Variants in PABPC4L observed in about 807,000 individuals in gnomAD.
PABPC4L encodes the protein polyadenylate-binding protein 4-like.
For missense variants in PABPC4L, 452 were observed against 451.4 expected (o/e 1.00, Z -0.01); for synonymous variants, 169 against 164.1 (o/e 1.03, Z -0.23).
At chr4:133,992,336 T>C in the PABPC4L span, among the ~76,000 whole-genome samples, 2 of 152,196 alleles carry the variant, frequency 1.3e-5, no homozygotes, top group African/African-American at 2.4e-5. Flanking sequence ...AGAAGGAATG[T>C]TGGAGAAAGT....
At chr4:134,093,376 A>AT in the PABPC4L span, among the ~76,000 whole-genome samples, 2 of 151,306 alleles carry the variant, frequency 1.3e-5, no homozygotes, top group South Asian at 2.1e-4. Context: ...CATAAATTGT[A>AT]TTTTTTTTAT....
At chr4:134,190,383 G>T in the PABPC4L span, among the ~76,000 whole-genome samples, 1 of 152,006 alleles carries the variant, frequency 6.6e-6, no homozygotes, top group South Asian at 2.1e-4. Flanking sequence ...GTTTTTAACA[G>T]ACTTGTATAG....
the PABPC4L span, among the ~76,000 whole-genome samples, chr4:134,167,566 T>C: frequency 6.6e-6 from 1 of 151,722 alleles, no homozygotes; most frequent in Non-Finnish European, 1.5e-5. Flanking sequence ...GGACACATAA[T>C]AGAGTTACAA....
the PABPC4L span, among the ~76,000 whole-genome samples, chr4:134,173,975 A>G: frequency 6.6e-6 from 1 of 152,114 alleles, no homozygotes; most frequent in East Asian, 1.9e-4. Context: ...TTAAAACACA[A>G]ACACATTGTA....
chr4:134,013,808 C>T, the PABPC4L span, among the ~76,000 whole-genome samples: 1 of 151,994 alleles, frequency 6.6e-6, no homozygotes, highest in African/African-American at 2.4e-5. Context: ...TCTACAGACC[C>T]ATCTGACCTC....
chr4:133,993,464 C>G, the PABPC4L span, among the ~76,000 whole-genome samples: 1 of 152,042 alleles, frequency 6.6e-6, no homozygotes, highest in Non-Finnish European at 1.5e-5. Flanking sequence ...GGTGGACTCT[C>G]CAGGAAGAGC....
the PABPC4L span, among the ~76,000 whole-genome samples, chr4:134,173,174 A>G: frequency 4.0e-5 from 6 of 150,968 alleles, no homozygotes; most frequent in African/African-American, 1.4e-4. Flanking sequence ...AAAAAAAAAA[A>G]AAAAAAGAAA....
the PABPC4L span, among the ~76,000 whole-genome samples, chr4:134,127,870 A>C: frequency 6.6e-6 from 1 of 152,170 alleles, no homozygotes; most frequent in African/African-American, 2.4e-5. Context: ...GCACCAGAGA[A>C]AGGTAAAGTC....
chr4:134,189,683 T>C, the PABPC4L span, among the ~76,000 whole-genome samples: 21 of 152,240 alleles, frequency 1.4e-4, no homozygotes, highest in Admixed American at 4.6e-4. Context: ...TGTAGTCTTA[T>C]GATTAGATTT....
At chr4:134,078,821 TTTTTTTTC>T in the PABPC4L span, among the ~76,000 whole-genome samples, 2 of 150,700 alleles carry the variant, frequency 1.3e-5, no homozygotes, top group African/African-American at 2.4e-5. Flanking sequence ...CCTGGCTAAT[TTTTTTTTC>T]TTTTTTTTCT....
At chr4:134,089,535 G>A in the PABPC4L span, among the ~76,000 whole-genome samples, 5 of 151,858 alleles carry the variant, frequency 3.3e-5, no homozygotes, top group African/African-American at 1.2e-4. Flanking sequence ...ATTTATAATT[G>A]TTCTATTTTA....
the PABPC4L span, among the ~76,000 whole-genome samples, chr4:133,949,067 T>C: frequency 6.6e-6 from 1 of 152,180 alleles, no homozygotes; most frequent in Non-Finnish European, 1.5e-5. Context: ...GCTAGTTTAT[T>C]GTGATTGATA....
At chr4:134,144,741 C>T in the PABPC4L span, among the ~76,000 whole-genome samples, 1 of 151,686 alleles carries the variant, frequency 6.6e-6, no homozygotes, top group Non-Finnish European at 1.5e-5. Flanking sequence ...GATCTATTTT[C>T]ATCAGACAGT....
chr4:134,175,430 A>G, the PABPC4L span, among the ~76,000 whole-genome samples: 1 of 151,824 alleles, frequency 6.6e-6, no homozygotes, highest in African/African-American at 2.4e-5. Context: ...TTTTTAAATT[A>G]ATTAATTAAT....
chr4:133,991,929 A>G, the PABPC4L span, among the ~76,000 whole-genome samples: 3 of 152,184 alleles, frequency 2.0e-5, no homozygotes, highest in South Asian at 6.2e-4. Flanking sequence ...AGGAAAACAT[A>G]TGAATGGGTA....
the PABPC4L span, among the ~76,000 whole-genome samples, chr4:134,056,775 G>A: frequency 6.6e-6 from 1 of 151,900 alleles, no homozygotes; most frequent in Non-Finnish European, 1.5e-5. Flanking sequence ...AGTTCTAGAT[G>A]TTTTTTGGTA....
At chr4:134,149,628 T>TA in the PABPC4L span, among the ~76,000 whole-genome samples, 2 of 152,140 alleles carry the variant, frequency 1.3e-5, no homozygotes, top group African/African-American at 2.4e-5. Context: ...GAGATTTACA[T>TA]ACATTTCAAA....
the PABPC4L span, among the ~76,000 whole-genome samples, chr4:134,010,305 CA>C: frequency 1.3e-5 from 2 of 151,912 alleles, no homozygotes; most frequent in Non-Finnish European, 2.9e-5. Flanking sequence ...ATCTAAGAAA[CA>C]AAGCTCATGT....
At chr4:133,954,378 G>A in the PABPC4L span, among the ~76,000 whole-genome samples, 1 of 152,180 alleles carries the variant, frequency 6.6e-6, no homozygotes, top group African/African-American at 2.4e-5. Flanking sequence ...TGAGGATGGA[G>A]TTTTATCATT....
Sources: gnomAD v4.1 joint callset for allele counts (sites outside exome capture counted in the v4.1 genomes callset) on GRCh38, gnomAD v4.1.1 for gene constraint, MANE v1.5 for transcripts, NCBI Gene and HGNC (gene_info 2026-07-23, HGNC 2026-07-21) for gene names.